SLCO6A1: variants seen among roughly 807,000 people sequenced by gnomAD.
SLCO6A1 encodes cancer/testis antigen 48.
SLCO6A1 carries 65 observed loss-of-function variants against 72.7 expected under a neutral mutation model. The observed-to-expected ratio is 0.89, with a 90% CI of 0.73 to 1.10. The LOEUF is 1.10. Ranked by LOEUF, SLCO6A1 falls within the 50% of genes least tolerant of loss-of-function variation. The pLI, the probability that SLCO6A1 is intolerant of heterozygous loss-of-function variation, is 0.00. For synonymous variants in SLCO6A1, 314 were observed against 298.2 expected (o/e 1.05, Z -0.55); for missense variants, 874 against 872.6 (o/e 1.00, Z -0.02).
At chr5:102,464,327 A>G (rs1338465010) in intron 4 of SLCO6A1, among the ~76,000 whole-genome samples, 1 of 152,210 alleles carries the variant, frequency 6.6e-6, no homozygotes, top group Non-Finnish European at 1.5e-5. Context: ...ACAGATTGGG[A>G]GAAATTATTT....
intron 4 of SLCO6A1, among the ~76,000 whole-genome samples, chr5:102,469,419 T>C (rs1751485051): frequency 6.6e-6 from 1 of 152,128 alleles, no homozygotes; most frequent in Non-Finnish European, 1.5e-5. Context: ...ATTCTCTTTG[T>C]AGTAATTGTG....
At chr5:102,488,792 A>T (rs1375120982) in intron 1 of SLCO6A1, among the ~76,000 whole-genome samples, 1 of 152,204 alleles carries the variant, frequency 6.6e-6, no homozygotes, top group Non-Finnish European at 1.5e-5. Context: ...TCAGAGAAAA[A>T]ATTCTAGATT....
chr5:102,372,657 T>C (rs1750685841), intron 13 of SLCO6A1, among the ~76,000 whole-genome samples: 1 of 151,244 alleles, frequency 6.6e-6, no homozygotes, highest in Non-Finnish European at 1.5e-5. Flanking sequence ...TCAGCTAGTC[T>C]TTATCAATAA....
At position 102,497,041 on chromosome 5, in the gene SLCO6A1, T is replaced by A. The variant is rs543169425; in HGVS notation, c.358+1446A>T. On this transcript the variant is annotated intron_variant, in intron 1 of 13. Transcript: ENST00000506729. The stretch of plus-strand genomic sequence containing the variant: ...TTTTTCTAGTATGGGTCTTACAACA[T>A]ACAGCCTTTTGATTGCACTTATTTA... 7.9e-4 allele frequency among the ~76,000 whole-genome samples: 121 copies of A among 152,312 alleles called. 1 individual carries two copies. Among genetic ancestry groups the A allele is most frequent in the Non-Finnish European group, 1.2e-3 (84 of 68,006 alleles).
chr5:102,417,577 T>C (rs931721698), intron 8 of SLCO6A1, among the ~76,000 whole-genome samples: 2 of 152,208 alleles, frequency 1.3e-5, no homozygotes, highest in Non-Finnish European at 2.9e-5. Context: ...TGTGCTATTA[T>C]AGCATTTCAT....
chr5:102,463,338 C>A (rs564636647), intron 4 of SLCO6A1, among the ~76,000 whole-genome samples: 1 of 152,042 alleles, frequency 6.6e-6, no homozygotes, highest in African/African-American at 2.4e-5. Flanking sequence ...TAAACTAGTA[C>A]GATCACTATG....
intron 13 of SLCO6A1, among the ~76,000 whole-genome samples, chr5:102,372,843 T>C (rs1158601823): frequency 6.6e-6 from 1 of 151,918 alleles, no homozygotes; most frequent in Non-Finnish European, 1.5e-5. Context: ...AAATCATAGA[T>C]AAATAAAATG....
At chr5:102,448,002 G>A (rs964237355) in intron 6 of SLCO6A1, among the ~76,000 whole-genome samples, 1 of 152,116 alleles carries the variant, frequency 6.6e-6, no homozygotes, top group Non-Finnish European at 1.5e-5. Flanking sequence ...TTTTATGTGA[G>A]TGTTTAGCAC....
intron 12 of SLCO6A1, among the ~76,000 whole-genome samples, chr5:102,387,036 G>T (rs74722623): frequency 0.018 from 2,739 of 152,186 alleles, 79 homozygotes; most frequent in African/African-American, 0.062. Flanking sequence ...TCAGTGTAAT[G>T]TCTCTAGCTC....
At chr5:102,490,280 A>G (rs1752613788) in intron 1 of SLCO6A1, among the ~76,000 whole-genome samples, 1 of 152,254 alleles carries the variant, frequency 6.6e-6, no homozygotes, top group African/African-American at 2.4e-5. Flanking sequence ...TGATAAATAT[A>G]TGAGGCAAAG....
intron 1 of SLCO6A1, among the ~76,000 whole-genome samples, chr5:102,487,185 G>A (rs1156274765): frequency 6.6e-6 from 1 of 152,134 alleles, no homozygotes; most frequent in Non-Finnish European, 1.5e-5. Context: ...TTTTGCAGCT[G>A]CATGTGTTAT....
At chr5:102,487,746 T>C (rs1437421756) in intron 1 of SLCO6A1, among the ~76,000 whole-genome samples, 3 of 152,180 alleles carry the variant, frequency 2.0e-5, no homozygotes, top group Non-Finnish European at 4.4e-5. Flanking sequence ...CAAGATTACT[T>C]CATTTTTCAA....
intron 7 of SLCO6A1, among the ~76,000 whole-genome samples, chr5:102,427,025 T>C (rs1199461873): frequency 2.6e-5 from 4 of 151,594 alleles, no homozygotes; most frequent in African/African-American, 4.8e-5. Flanking sequence ...GAACAGGAAA[T>C]AAAACATCAC....
chr5:102,478,139 T>C (rs1323130444), intron 2 of SLCO6A1, among the ~76,000 whole-genome samples: 2 of 152,026 alleles, frequency 1.3e-5, no homozygotes, highest in Middle Eastern at 3.2e-3. Flanking sequence ...GGGCAACATA[T>C]TGTGACCCCG....
In SLCO6A1 at chr5:102,484,177, G is replaced by A. The variant is rs190295036; in HGVS notation, c.359-3743C>T. ...AATAATTTAAATGACTCTTTTTGTC[G>A]CTACATGCCATGGATTTCTAGTGAA... On this transcript the variant is annotated intron_variant, in intron 1 of 13. Transcript: ENST00000506729. Among the ~76,000 whole-genome samples the A allele has an allele frequency of 2.0e-3, 308 of 152,100 alleles. 3 individuals carry two copies. The highest frequency in any genetic ancestry group is 6.9e-3 in the African/African-American group (285 of 41,508).
At chr5:102,400,930 T>C (rs972375740) in intron 9 of SLCO6A1, among the ~76,000 whole-genome samples, 26 of 151,924 alleles carry the variant, frequency 1.7e-4, no homozygotes, top group African/African-American at 5.8e-4. Context: ...AACAATAATA[T>C]AGAAACCACC....
chr5:102,420,048 G>C, intron 7 of SLCO6A1, 27 bp from the exon 8 acceptor site: 1 of 1,530,268 alleles, frequency 6.5e-7, no homozygotes, highest in Non-Finnish European at 8.7e-7. Context: ...GAAAAACACA[G>C]TTAAAAATAA....
At chr5:102,399,788 T>A in intron 9 of SLCO6A1, 46 bp from the exon 10 acceptor site, 1 of 1,335,958 alleles carries the variant, frequency 7.5e-7, no homozygotes, top group Non-Finnish European at 1.0e-6. Context: ...AAAATAGTCA[T>A]AAACAAAAGT....
chr5:102,389,445 G>GC (rs200901362), intron 11 of SLCO6A1, among the ~76,000 whole-genome samples: 576 of 35,002 alleles, frequency 0.016, 19 homozygotes, highest in African/African-American at 0.057. Context: ...CACACACCCC[G>GC]CCCCCCACCC....
Sources: gnomAD v4.1 joint callset for allele counts (sites outside exome capture counted in the v4.1 genomes callset) on GRCh38, gnomAD v4.1.1 for gene constraint, MANE v1.5 for transcripts, NCBI Gene and HGNC (gene_info 2026-07-23, HGNC 2026-07-21) for gene names.